FSTL5: variants seen among roughly 807,000 people sequenced by gnomAD.
The protein encoded by FSTL5 is follistatin like 5.
A neutral mutation model predicts 89.1 loss-of-function variants in FSTL5; 62 were observed. The ratio of observed to expected loss-of-function variants is 0.70; its 90% CI spans 0.57 to 0.86. FSTL5 has a LOEUF of 0.86. Among genes scored for constraint, FSTL5 ranks in the 40% least tolerant of loss-of-function variants. FSTL5 has a pLI of 0.00. For missense variants in FSTL5, 1,057 were observed against 1,001.6 expected (o/e 1.06, Z -0.75); for synonymous variants, 383 against 346.2 (o/e 1.11, Z -1.18).
Position 161,938,551 on chromosome 4 carries a change from C to G in FSTL5, c.161-17899G>C, listed in dbSNP as rs73863729. 5.2e-3 allele frequency among the ~76,000 whole-genome samples: 790 copies of G among 152,078 alleles called. 5 individuals carry two copies. The highest frequency in any genetic ancestry group is 0.018 in the African/African-American group (739 of 41,510). On this transcript the variant is annotated intron_variant, in intron 3 of 15. Coordinates refer to ENST00000306100, the MANE Select transcript of FSTL5 (RefSeq NM_020116.5). The stretch of plus-strand genomic sequence containing the variant: ...CGCAAAAAATATGTCATAAGAAACA[C>G]TGGTGTACACCTTCATCTTTTTTGT...
chr4:162,116,773 G>A lies in FSTL5; in HGVS notation c.-16-5361C>T, dbSNP rs1391085047. ...CGAGGCTTCACACAAGGGAGACATC[G>A]GTATGGCCTCCTAGCCTTACTTACC... is the stretch of plus-strand genomic sequence containing the variant. On this transcript the variant is annotated intron_variant, in intron 1 of 15. Coordinates refer to ENST00000306100, the MANE Select transcript of FSTL5 (RefSeq NM_020116.5). Among the ~76,000 whole-genome samples, 4 of 152,292 alleles carry A rather than the reference G, an allele frequency of 2.6e-5. 1 individual carries two copies. In the Middle Eastern group the frequency reaches 0.01, roughly 389 times the overall value.
intron 6 of FSTL5, among the ~76,000 whole-genome samples, chr4:161,748,606 GTTTT>G (rs5863480): frequency 0.079 from 8,207 of 103,558 alleles, 359 homozygotes; most frequent in African/African-American, 0.17. Context: ...GGGGAAGCAC[GTTTT>G]TTTTTTTTTT....
rs569784484 is a variant in FSTL5, at chr4:161,660,568, C to A, written c.728-4074G>T. ...ATTTGTTGTACAGATTATTTCATTA[C>A]CCAGGTATTAAGCCTAGTACCCATT... On this transcript the variant is annotated intron_variant, in intron 6 of 15. Coordinates refer to ENST00000306100, the MANE Select transcript of FSTL5 (RefSeq NM_020116.5). Among the ~76,000 whole-genome samples, 6 of 152,148 alleles carry A rather than the reference C, an allele frequency of 3.9e-5. No individual in the cohort carries two copies. In the East Asian group the frequency reaches 1.2e-3, roughly 29 times the overall value.
chr4:162,158,533 T>C lies in FSTL5; in HGVS notation c.-17+5082A>G, dbSNP rs115602138. On this transcript the variant is annotated intron_variant, in intron 1 of 15. Coordinates refer to ENST00000306100, the MANE Select transcript of FSTL5 (RefSeq NM_020116.5). ...AAGAGATTATCATAGTAAAAATGATTAGTTTTGAAAATGATATAGCTAGTT... is the reference window on the plus strand; with the variant it reads ...AAGAGATTATCATAGTAAAAATGATCAGTTTTGAAAATGATATAGCTAGTT... 6.2e-3 allele frequency among the ~76,000 whole-genome samples: 939 copies of C among 152,130 alleles called. 7 individuals carry two copies. Among genetic ancestry groups the C allele is most frequent in the South Asian group, 0.019 (91 of 4,828 alleles).
At chr4:161,459,378 GC>G in intron 13 of FSTL5, 59 bp from the exon 14 acceptor site, 1 of 1,029,770 alleles carries the variant, frequency 9.7e-7, no homozygotes, top group Non-Finnish European at 1.5e-6. Flanking sequence ...TTAAAGCTAG[GC>G]CAGAAATTAT....
intron 2 of FSTL5, among the ~76,000 whole-genome samples, chr4:162,071,003 AGAAAG>A (rs569560226): frequency 2.6e-3 from 392 of 151,858 alleles, no homozygotes; most frequent in Non-Finnish European, 4.5e-3. Context: ...AATGAGAAAG[AGAAAG>A]GAATCGAATC....
At chr4:161,620,950 T>C (rs531173830) in intron 7 of FSTL5, among the ~76,000 whole-genome samples, 122 of 151,562 alleles carry the variant, frequency 8.0e-4, no homozygotes, top group Non-Finnish European at 1.6e-3. Flanking sequence ...CAATAATTGG[T>C]ATCACTCCTC....
intron 5 of FSTL5, among the ~76,000 whole-genome samples, chr4:161,769,647 T>A (rs190228739): frequency 1.3e-5 from 2 of 151,982 alleles, no homozygotes; most frequent in African/African-American, 4.8e-5. Context: ...CCCTTCATGA[T>A]AAAAAGCTTA....
chr4:161,503,037 C>T (rs1217486502), intron 11 of FSTL5, among the ~76,000 whole-genome samples: 1 of 151,674 alleles, frequency 6.6e-6, no homozygotes, highest in East Asian at 1.9e-4. Flanking sequence ...ATTTCATTCT[C>T]TGCATTCAGA....
In FSTL5 at chr4:161,694,842, C is replaced by CTTT. The variant is rs34276732; in HGVS notation, c.728-38351_728-38349dup. On this transcript the variant is annotated intron_variant, in intron 6 of 15. Coordinates refer to ENST00000306100, the MANE Select transcript of FSTL5 (RefSeq NM_020116.5). ...TGCTTAGTGTTTGTTTTCTAAATGC[C>CTTT]TTTTTTTTTTTTTTTTTTTGCAAAA... Among the ~76,000 whole-genome samples the CTTT allele has an allele frequency of 4.0e-3, 421 of 106,172 alleles. 17 individuals are homozygous for CTTT. The highest frequency in any genetic ancestry group is 5.8e-3 in the Non-Finnish European group (329 of 56,304). 69.7% of individuals were successfully genotyped at this position (106,172 alleles called of 152,430 possible).
At chr4:161,874,194 C>T (rs1289737250) in intron 4 of FSTL5, among the ~76,000 whole-genome samples, 1 of 151,982 alleles carries the variant, frequency 6.6e-6, no homozygotes, top group Admixed American at 6.6e-5. Flanking sequence ...TATATCGTCT[C>T]AAACTTTTGC....
intron 4 of FSTL5, among the ~76,000 whole-genome samples, chr4:161,809,045 C>T (rs991221662): frequency 1.3e-5 from 2 of 152,178 alleles, no homozygotes; most frequent in African/African-American, 4.8e-5. Context: ...AGTGAAACCC[C>T]GTTTCTACGA....
chr4:161,801,696 T>G (rs1021317094), intron 4 of FSTL5, among the ~76,000 whole-genome samples: 1 of 150,984 alleles, frequency 6.6e-6, no homozygotes, highest in African/African-American at 2.4e-5. Flanking sequence ...ATATAAATAT[T>G]TATAAGTATC....
At position 161,989,824 on chromosome 4, in the gene FSTL5, G is replaced by T. The variant is rs188445249; in HGVS notation, c.160+43801C>A. 7.9e-5 allele frequency among the ~76,000 whole-genome samples: 12 copies of T among 152,166 alleles called. No individual in the cohort carries two copies. In the East Asian group the frequency reaches 2.3e-3, roughly 29 times the overall value. On this transcript the variant is annotated intron_variant, in intron 3 of 15. Coordinates refer to ENST00000306100, the MANE Select transcript of FSTL5 (RefSeq NM_020116.5). ...AGTGGGGATTACAGGATACTAAATA[G>T]GTCTTAAAACTCACAGAACCATGTA...
intron 2 of FSTL5, among the ~76,000 whole-genome samples, chr4:162,093,330 A>G (rs562121241): frequency 4.0e-4 from 61 of 152,270 alleles, no homozygotes; most frequent in African/African-American, 1.4e-3. Flanking sequence ...TAACTAACTT[A>G]AGCAATAGTA....
At chr4:161,728,628 C>T (rs1739502755) in intron 6 of FSTL5, among the ~76,000 whole-genome samples, 1 of 151,936 alleles carries the variant, frequency 6.6e-6, no homozygotes, top group Non-Finnish European at 1.5e-5. Flanking sequence ...CAATATTCAA[C>T]CCTAATACTG....
At chr4:161,859,631 G>A (rs1167929614) in intron 4 of FSTL5, among the ~76,000 whole-genome samples, 1 of 152,152 alleles carries the variant, frequency 6.6e-6, no homozygotes, top group Non-Finnish European at 1.5e-5. Flanking sequence ...AAAACGTAGA[G>A]TATTAACTGC....
chr4:162,137,272 T>C (rs1732556425), intron 1 of FSTL5, among the ~76,000 whole-genome samples: 1 of 152,090 alleles, frequency 6.6e-6, no homozygotes, highest in African/African-American at 2.4e-5. Flanking sequence ...ATGTCAAATC[T>C]CTATCAGCCA....
chr4:161,928,180 C>T (rs1343590321), intron 3 of FSTL5, among the ~76,000 whole-genome samples: 1 of 149,396 alleles, frequency 6.7e-6, no homozygotes, highest in Non-Finnish European at 1.5e-5. Flanking sequence ...TTATCATGGA[C>T]TTATTTCATT....
Sources: gnomAD v4.1 joint callset for allele counts (sites outside exome capture counted in the v4.1 genomes callset) on GRCh38, gnomAD v4.1.1 for gene constraint, MANE v1.5 for transcripts, NCBI Gene and HGNC (gene_info 2026-07-23, HGNC 2026-07-21) for gene names.